Variants in NOS1 observed in about 807,000 individuals in gnomAD.
The protein encoded by NOS1 is nitric oxide synthase 1.
NOS1 carries 51 observed loss-of-function variants against 164.5 expected under a neutral mutation model. That is an observed-to-expected ratio of 0.31 (90% confidence interval 0.25 to 0.39). The LOEUF (loss-of-function observed/expected upper bound fraction) is 0.39, where lower values mean the gene tolerates loss of function less well. Ranked by LOEUF, NOS1 falls within the 10% of genes least tolerant of loss-of-function variation. NOS1 has a pLI of 1.00. For missense variants in NOS1, 1,362 were observed against 1,885.6 expected, an observed-to-expected ratio of 0.72 and a Z score of 5.14; for synonymous variants, 719 against 745.8, an observed-to-expected ratio of 0.96 and a Z score of 0.59.
intron 28 of NOS1, 42 bp from the exon 29 acceptor site, chr12:117,215,366 C>G: frequency 6.7e-7 from 1 of 1,486,400 alleles, no homozygotes; most frequent in Non-Finnish European, 9.0e-7. Context: ...GCCCCAAGGG[C>G]AAGGCTGCTG....
At chr12:117,256,593 T>C (rs1477895266) in intron 16 of NOS1, among the ~76,000 whole-genome samples, 1 of 151,928 alleles carries the variant, frequency 6.6e-6, no homozygotes, top group Non-Finnish European at 1.5e-5. Context: ...AGGGATTTTC[T>C]GCTTAACACA....
chr12:117,346,112 G>A (rs762011310), intron 1 of NOS1, among the ~76,000 whole-genome samples: 2 of 152,212 alleles, frequency 1.3e-5, no homozygotes, highest in Non-Finnish European at 2.9e-5. Context: ...GCAGCTGCAG[G>A]GAGGTGATGG....
chr12:117,283,056 ATTTTT>A (rs201451951), intron 7 of NOS1, among the ~76,000 whole-genome samples: 10 of 92,952 alleles, frequency 1.1e-4, no homozygotes, highest in African/African-American at 2.9e-4. Flanking sequence ...ATATATATAT[ATTTTT>A]TTTTTTTTTT....
At chr12:117,238,538 A>G (rs1051543116) in intron 20 of NOS1, among the ~76,000 whole-genome samples, 5 of 149,444 alleles carry the variant, frequency 3.3e-5, no homozygotes, top group African/African-American at 1.3e-4. Flanking sequence ...TTTTTTTGAG[A>G]TGGAGTCTCA....
At chr12:117,238,424 A>G (rs1869895527) in intron 20 of NOS1, among the ~76,000 whole-genome samples, 1 of 152,150 alleles carries the variant, frequency 6.6e-6, no homozygotes, top group African/African-American at 2.4e-5. Context: ...CTCACCAGGC[A>G]TCTATAAACC....
intron 1 of NOS1, among the ~76,000 whole-genome samples, chr12:117,358,383 T>C (rs1248734764): frequency 6.6e-6 from 1 of 151,844 alleles, no homozygotes; most frequent in Non-Finnish European, 1.5e-5. Context: ...TGGAGGCTCC[T>C]GGGGACTGGC....
intron 1 of NOS1, among the ~76,000 whole-genome samples, chr12:117,345,489 G>A (rs530708001): frequency 2.4e-4 from 37 of 152,272 alleles, no homozygotes; most frequent in African/African-American, 7.9e-4. Flanking sequence ...AGTGAGATGA[G>A]GGGACAAGGC....
intron 28 of NOS1, among the ~76,000 whole-genome samples, chr12:117,217,790 T>G (rs1233937727): frequency 6.6e-6 from 1 of 152,102 alleles, no homozygotes; most frequent in Non-Finnish European, 1.5e-5. Context: ...AAGCAGGCAT[T>G]TCCTCCCACA....
intron 2 of NOS1, among the ~76,000 whole-genome samples, chr12:117,322,859 T>C: frequency 7.6e-6 from 1 of 131,176 alleles, no homozygotes; most frequent in African/African-American, 2.9e-5. Context: ...CCTTACTCCC[T>C]CCCTCCCTCC....
chr12:117,222,715 C>T lies in NOS1; in HGVS notation c.3975G>A (p.Lys1325=), dbSNP rs1402171599. The T allele has an allele frequency of 6.2e-7, 1 of 1,613,614 alleles. No individual in the cohort carries two copies. Among genetic ancestry groups the T allele is most frequent in the Non-Finnish European group, 8.5e-7 (1 of 1,179,824 alleles). The change falls in exon 26 of 29, where the codon AAG becomes AAA. Residue 1325 remains lysine (K), a splice_region_variant and synonymous_variant. Transcript: ENST00000317775. ...TAGGGGGTGGGCTGCTGGGGGTTAC[C>T]TTTGGTTTGTCTGGCTCCCGGGAGT... ...TAYSREPDKP[K]KYVQDILQEQ...
At chr12:117,259,187 A>G (rs1362537982) in intron 14 of NOS1, 57 bp from the exon 15 acceptor site, 2 of 1,209,894 alleles carry the variant, frequency 1.7e-6, no homozygotes, top group African/African-American at 1.5e-5. Flanking sequence ...ATGAGGAGAG[A>G]AAAGAGGTGG....
chr12:117,335,729 TGAGAGAGAGA>T lies in NOS1; in HGVS notation c.-420-4250_-420-4241del, dbSNP rs60613906. Among the ~76,000 whole-genome samples the T allele has an allele frequency of 5.6e-3, 634 of 112,584 alleles. 6 individuals are homozygous for T. Among genetic ancestry groups the T allele is most frequent in the Middle Eastern group, 0.021 (5 of 234 alleles). The allele number at this position is 112,584 out of a possible 152,430, so 73.9% of individuals were successfully genotyped here. A position where few individuals can be genotyped will look rare whatever the true frequency, so the allele number is the denominator to read the frequency against. ...TTTTATTTAATTGTTACAGACTATA[TGAGAGAGAGA>T]GAGAGAGAGAGAGAGAGAGAGAGAG... On this transcript the variant is annotated intron_variant, in intron 1 of 28. Coordinates refer to ENST00000317775, the MANE Select transcript of NOS1 (RefSeq NM_000620.5).
At chr12:117,350,477 A>C (rs1034021957) in intron 1 of NOS1, among the ~76,000 whole-genome samples, 3 of 152,166 alleles carry the variant, frequency 2.0e-5, no homozygotes, top group Admixed American at 1.3e-4. Context: ...GGAACTGTTC[A>C]CTTGATTTTA....
At chr12:117,294,921 T>C (rs1316516862) in intron 3 of NOS1, among the ~76,000 whole-genome samples, 3 of 152,240 alleles carry the variant, frequency 2.0e-5, no homozygotes, top group East Asian at 1.9e-4. Context: ...CCTAGGAAGC[T>C]TGCAGAGGCC....
chr12:117,250,327 CTT>C (rs556629285), intron 17 of NOS1, among the ~76,000 whole-genome samples: 2,091 of 130,094 alleles, frequency 0.016, 44 homozygotes, highest in African/African-American at 0.056. Context: ...TTGCCATTTA[CTT>C]TTTTTTTTTT....
Position 117,210,977 on chromosome 12 carries a change from A to T in NOS1, c.*4332T>A. ...TTTATTTTATTTTATTTTTTTTGAG[A>T]TAAGAGTCTTGCTCTGTCACCCAGG... On this transcript the variant is annotated 3_prime_UTR_variant, in exon 29 of 29. Coordinates refer to ENST00000317775, the MANE Select transcript of NOS1 (RefSeq NM_000620.5). The T allele has an allele frequency of 1.1e-6, 1 of 934,704 alleles. No homozygotes were observed. Among genetic ancestry groups the T allele is most frequent in the Non-Finnish European group, 1.3e-6 (1 of 786,902 alleles). 57.9% of individuals were successfully genotyped at this position (934,704 alleles called of 1,614,324 possible).
At chr12:117,217,702 CAA>C (rs113163267) in intron 28 of NOS1, among the ~76,000 whole-genome samples, 11 of 140,228 alleles carry the variant, frequency 7.8e-5, no homozygotes, top group Admixed American at 2.1e-4. Flanking sequence ...AAGACTCCGT[CAA>C]AAAAAAAAAA....
intron 3 of NOS1, among the ~76,000 whole-genome samples, chr12:117,298,409 G>A (rs984391055): frequency 2.0e-5 from 3 of 152,148 alleles, no homozygotes; most frequent in Non-Finnish European, 4.4e-5. Context: ...CTCCTGCTGT[G>A]CAGCCCAGCT....
intron 20 of NOS1, among the ~76,000 whole-genome samples, chr12:117,236,189 C>G (rs1425339968): frequency 1.3e-5 from 2 of 152,180 alleles, no homozygotes; most frequent in African/African-American, 4.8e-5. Context: ...ATTGCTTTTT[C>G]AGATCTGCTT....
Sources: allele counts gnomAD v4.1 joint callset (sites outside exome capture counted in the v4.1 genomes callset), GRCh38; gene constraint gnomAD v4.1.1; transcripts MANE v1.5; gene names NCBI Gene and HGNC (gene_info 2026-07-23, HGNC 2026-07-21).